TTC8: variants seen among roughly 807,000 people sequenced by gnomAD.
The protein encoded by TTC8 is tetratricopeptide repeat protein 8.
Under a neutral mutation model 72.5 loss-of-function variants are expected in TTC8, and 47 were observed. The observed-to-expected ratio is 0.65, with a 90% CI of 0.51 to 0.83. TTC8 has a LOEUF of 0.83. Among genes scored for constraint, TTC8 ranks in the 40% least tolerant of loss-of-function variants. The probability of loss-of-function intolerance (pLI) is 0.00; values close to 1 mark genes in which losing one functional copy is unlikely to be tolerated. For missense variants in TTC8, 611 were observed against 623.2 expected (o/e 0.98, Z 0.21); for synonymous variants, 199 against 221.4 (o/e 0.90, Z 0.90).
At chr14:88,858,414 G>T (rs1362462856) in intron 9 of TTC8, among the ~76,000 whole-genome samples, 1 of 152,140 alleles carries the variant, frequency 6.6e-6, no homozygotes, top group East Asian at 1.9e-4. Flanking sequence ...AAAAGAAGAT[G>T]AGATATAAAA....
intron 7 of TTC8, chr14:88,846,453 A>T: frequency 2.0e-6 from 1 of 491,810 alleles, no homozygotes; most frequent in Admixed American, 3.9e-5. Flanking sequence ...GAGTAGAAGC[A>T]TGCTTGGGTT....
At chr14:88,844,389 A>G (rs1199844776) in intron 7 of TTC8, among the ~76,000 whole-genome samples, 1 of 152,228 alleles carries the variant, frequency 6.6e-6, no homozygotes, top group Non-Finnish European at 1.5e-5. Context: ...CAAATGAGCA[A>G]TAATGGAACA....
In TTC8 at chr14:88,867,425, A is replaced by G. The variant is rs554547366; in HGVS notation, c.910-2634A>G. ...CACTGAGAGTGAAAAAATAAACTGT[A>G]TATTAGAATGTATAGAATGATTCTG... On this transcript the variant is annotated intron_variant, in intron 10 of 14. Transcript: ENST00000380656. 3.9e-5 allele frequency among the ~76,000 whole-genome samples: 6 copies of G among 152,312 alleles called. No individual in the cohort carries two copies. The South Asian group carries it at 1.2e-3, about 32-fold the overall frequency.
chr14:88,867,822 A>G (rs10134036), intron 10 of TTC8, among the ~76,000 whole-genome samples: 76,276 of 152,106 alleles, frequency 0.5, 21,168 homozygotes, highest in African/African-American at 0.75. Flanking sequence ...CCTTCTTTGC[A>G]TTGGGCGTTG....
At chr14:88,824,321 C>G (rs2094688035), upstream of TTC8, 4 of 216,578 alleles carry the variant, frequency 1.8e-5, no homozygotes, top group Admixed American at 1.1e-4. Flanking sequence ...AGACAGAGAT[C>G]AACTCCAGGG....
chr14:88,865,325 C>G (rs1246283540), intron 10 of TTC8, among the ~76,000 whole-genome samples: 2 of 152,158 alleles, frequency 1.3e-5, no homozygotes, highest in African/African-American at 4.8e-5. Flanking sequence ...GGATTTTTAG[C>G]AAGCCCACTA....
At chr14:88,843,380 A>C (rs2094791169) in intron 6 of TTC8, among the ~76,000 whole-genome samples, 1 of 152,198 alleles carries the variant, frequency 6.6e-6, no homozygotes, top group Non-Finnish European at 1.5e-5. Flanking sequence ...AATAGCTTTA[A>C]AAATTAAGCA....
intron 10 of TTC8, among the ~76,000 whole-genome samples, chr14:88,867,984 A>G (rs931066241): frequency 2.6e-5 from 4 of 152,230 alleles, no homozygotes; most frequent in Non-Finnish European, 5.9e-5. Context: ...TATGGGACTG[A>G]TAAGTTACAT....
chr14:88,860,247 C>G (rs1321196740), intron 9 of TTC8, among the ~76,000 whole-genome samples: 1 of 151,546 alleles, frequency 6.6e-6, no homozygotes, highest in African/African-American at 2.4e-5. Flanking sequence ...CTATTGTATC[C>G]CTTTGGATTT....
chr14:88,846,792 A>C (rs1027516302), intron 7 of TTC8: 41 of 536,896 alleles, frequency 7.6e-5, no homozygotes, highest in South Asian at 1.0e-4. Flanking sequence ...TGAACTTAAA[A>C]ATTTTTGATT....
At chr14:88,829,192 ATTAAT>A (rs763108814) in intron 1 of TTC8, among the ~76,000 whole-genome samples, 5 of 152,242 alleles carry the variant, frequency 3.3e-5, no homozygotes, top group Non-Finnish European at 5.9e-5. Context: ...AAGATAACTG[ATTAAT>A]TTATTATAAT....
chr14:88,860,431 G>A (rs539403237), intron 9 of TTC8, among the ~76,000 whole-genome samples: 4 of 152,320 alleles, frequency 2.6e-5, no homozygotes, highest in South Asian at 4.1e-4. Flanking sequence ...AAGCCATTAA[G>A]TGCTAACTTG....
chr14:88,824,239 T>C (rs2140942998), upstream of TTC8: 1 of 160,476 alleles, frequency 6.2e-6, no homozygotes, highest in South Asian at 1.7e-4. Flanking sequence ...GTTTACTTGT[T>C]TGTATTTCTA....
At chr14:88,848,803 G>A (rs1472541483) in intron 7 of TTC8, among the ~76,000 whole-genome samples, 2 of 152,110 alleles carry the variant, frequency 1.3e-5, no homozygotes, top group Non-Finnish European at 2.9e-5. Flanking sequence ...TTGAGGTTAA[G>A]ATGTATTCAT....
chr14:88,829,614 C>T (rs2140953955), intron 1 of TTC8, among the ~76,000 whole-genome samples: 3 of 152,284 alleles, frequency 2.0e-5, no homozygotes, highest in Middle Eastern at 6.8e-3. Context: ...ATCGGTGATT[C>T]TGAGGGTGGG....
intron 7 of TTC8, among the ~76,000 whole-genome samples, chr14:88,851,963 T>C (rs1003901771): frequency 1.4e-4 from 22 of 152,194 alleles, no homozygotes; most frequent in African/African-American, 5.3e-4. Flanking sequence ...TATTAAGAAG[T>C]GGACAGTAAT....
At chr14:88,844,806 C>A (rs1179456700) in intron 7 of TTC8, among the ~76,000 whole-genome samples, 3 of 152,070 alleles carry the variant, frequency 2.0e-5, no homozygotes, top group Non-Finnish European at 4.4e-5. Flanking sequence ...CCTGCCTCAG[C>A]TTCCCAAAGT....
chr14:88,874,139 A>C lies in TTC8; in HGVS notation c.1348-887A>C, dbSNP rs781147102. On this transcript the variant is annotated intron_variant, in intron 13 of 14. Transcript: ENST00000380656. ...TGGTAATTTTCTTTTCCTCTTACTT[A>C]CTGTAGTTTCTCTAGCATGCAATTG... Among the ~76,000 whole-genome samples the C allele has an allele frequency of 9.9e-5, 15 of 152,126 alleles. 1 individual carries two copies. Among genetic ancestry groups the C allele is most frequent in the Non-Finnish European group, 1.6e-4 (11 of 68,012 alleles).
intron 10 of TTC8, among the ~76,000 whole-genome samples, chr14:88,864,518 T>G (rs763504806): frequency 1.3e-5 from 2 of 152,196 alleles, no homozygotes; most frequent in Non-Finnish European, 2.9e-5. Context: ...GTGGGAAGAA[T>G]TCCTTCCAAG....
Sources: gnomAD v4.1 joint callset for allele counts (sites outside exome capture counted in the v4.1 genomes callset) on GRCh38, gnomAD v4.1.1 for gene constraint, MANE v1.5 for transcripts, NCBI Gene and HGNC (gene_info 2026-07-23, HGNC 2026-07-21) for gene names.